The following MYO1B variants were observed in gnomAD, a reference collection of about 807,000 sequenced individuals.
MYO1B encodes the protein unconventional myosin-Ib.
Under a neutral mutation model 159.7 loss-of-function variants are expected in MYO1B, and 72 were observed. The ratio of observed to expected loss-of-function variants is 0.45; its 90% CI spans 0.37 to 0.55. MYO1B has a LOEUF of 0.55. Among genes scored for constraint, MYO1B ranks in the 20% least tolerant of loss-of-function variants. MYO1B has a pLI of 0.00. For missense variants in MYO1B, 1,062 were observed against 1,364.8 expected (o/e 0.78, Z 3.50); for synonymous variants, 468 against 473.8 (o/e 0.99, Z 0.16).
At position 191,408,141 on chromosome 2, in the gene MYO1B, CA is replaced by C; in HGVS notation, c.2584del (p.Arg862GlufsTer24). 6.2e-7 allele frequency: 1 copy of C among 1,613,206 alleles called. No homozygotes were observed. The highest frequency in any genetic ancestry group is 8.5e-7 in the Non-Finnish European group (1 of 1,179,356). On this transcript the variant is annotated frameshift_variant, in exon 25 of 31. Coordinates refer to ENST00000392318, the MANE Select transcript of MYO1B (RefSeq NM_001130158.3). LOFTEE classifies it high-confidence loss of function. ...TACGTAGAGAATACAGGAAATTCTT[CA>C]GAGCCAATGCTGGAAAGAAAATCTA... ...KVRREYRKFF[R>X]ANAGKKIYEF...
At chr2:191,272,640 G>T (rs1388331831) in intron 1 of MYO1B, among the ~76,000 whole-genome samples, 1 of 152,206 alleles carries the variant, frequency 6.6e-6, no homozygotes, top group Non-Finnish European at 1.5e-5. Context: ...TGGCCTTTCA[G>T]ACAGTCCAGT....
At chr2:191,284,489 T>C (rs1688249053) in intron 2 of MYO1B, among the ~76,000 whole-genome samples, 1 of 152,140 alleles carries the variant, frequency 6.6e-6, no homozygotes, top group African/African-American at 2.4e-5. Context: ...ATCGTGGTAC[T>C]TATCTTGTTG....
intron 4 of MYO1B, 24 bp downstream of exon 4, chr2:191,330,053 T>A (rs747872811): frequency 2.5e-6 from 4 of 1,596,842 alleles, no homozygotes; most frequent in Non-Finnish European, 3.4e-6. Flanking sequence ...CAAGCAACTC[T>A]GCAGAAGGTA....
chr2:191,307,930 C>T (rs1689751267), intron 3 of MYO1B, among the ~76,000 whole-genome samples: 1 of 152,166 alleles, frequency 6.6e-6, no homozygotes, highest in Non-Finnish European at 1.5e-5. Flanking sequence ...ATACCACCTT[C>T]CCAGCATGTC....
chr2:191,346,002 T>C (rs574795509), intron 5 of MYO1B, among the ~76,000 whole-genome samples: 43 of 152,174 alleles, frequency 2.8e-4, no homozygotes, highest in Non-Finnish European at 5.7e-4. Context: ...CTTGAAAAAA[T>C]TCCATGAGTC....
At chr2:191,262,255 G>A (rs989922372) in intron 1 of MYO1B, among the ~76,000 whole-genome samples, 1 of 152,042 alleles carries the variant, frequency 6.6e-6, no homozygotes, top group Non-Finnish European at 1.5e-5. Context: ...AATCCCACAG[G>A]AGCTCAACTT....
intron 13 of MYO1B, among the ~76,000 whole-genome samples, chr2:191,378,219 C>T (rs1444113607): frequency 6.6e-6 from 1 of 152,164 alleles, no homozygotes; most frequent in Non-Finnish European, 1.5e-5. Flanking sequence ...GGTGATCTGC[C>T]AACCACCACT....
intron 3 of MYO1B, among the ~76,000 whole-genome samples, chr2:191,303,597 CT>C (rs1343075752): frequency 1.3e-5 from 2 of 152,002 alleles, no homozygotes; most frequent in Non-Finnish European, 2.9e-5. Context: ...AAATTCCTGT[CT>C]TCATGAGAGA....
At chr2:191,322,567 C>A (rs1302525425) in intron 3 of MYO1B, among the ~76,000 whole-genome samples, 2 of 152,054 alleles carry the variant, frequency 1.3e-5, no homozygotes, top group Non-Finnish European at 2.9e-5. Context: ...AATGGTCAGG[C>A]CTCCAGGCTA....
At chr2:191,381,057 T>G in intron 13 of MYO1B, 1 of 290,860 alleles carries the variant, frequency 3.4e-6, no homozygotes, top group East Asian at 8.6e-5. Context: ...CAATAAGGGG[T>G]CAGTTCAGGG....
At chr2:191,404,730 A>G (rs968042089) in intron 24 of MYO1B, among the ~76,000 whole-genome samples, 12 of 152,256 alleles carry the variant, frequency 7.9e-5, no homozygotes, top group African/African-American at 2.7e-4. Context: ...GTAGTCTATT[A>G]AGTATCTAAT....
rs141773424 is a variant in MYO1B at position 191,360,023 on chromosome 2, C to G, written c.563-608C>G. Among the ~76,000 whole-genome samples the G allele has an allele frequency of 2.2e-4, 33 of 152,296 alleles. 1 individual carries two copies. The highest frequency in any genetic ancestry group is 7.2e-4 in the African/African-American group (30 of 41,558). ...TGAGAACCATCTTTCTCTAAGACTT[C>G]AAGATATCCACAAACTCTACGTTGC... is the stretch of plus-strand genomic sequence containing the variant. On this transcript the variant is annotated intron_variant, in intron 7 of 30. Coordinates refer to ENST00000392318, the MANE Select transcript of MYO1B (RefSeq NM_001130158.3).
chr2:191,326,545 A>T (rs1691079798), intron 3 of MYO1B, among the ~76,000 whole-genome samples: 1 of 152,184 alleles, frequency 6.6e-6, no homozygotes, highest in African/African-American at 2.4e-5. Flanking sequence ...CTTTGAACTC[A>T]GTGGCTCTCT....
intron 1 of MYO1B, among the ~76,000 whole-genome samples, chr2:191,271,651 A>G (rs986146697): frequency 3.3e-5 from 5 of 152,228 alleles, no homozygotes; most frequent in South Asian, 2.1e-4. Context: ...CAACGTATAC[A>G]TTGTTCTTAT....
Position 191,387,453 on chromosome 2 carries a change from AT to A in MYO1B, c.1781+8del. ...ACCAAGAACCCAAACTATATTAGGT[AT>A]TTTTGGCACATGAAACTTTCACAGT... is the stretch of plus-strand genomic sequence containing the variant. On this transcript the variant is annotated splice_donor_region_variant and intron_variant, in intron 17 of 30. Transcript: ENST00000392318. 1.2e-6 allele frequency: 2 copies of A among 1,613,208 alleles called. No individual in the cohort carries two copies. The highest frequency in any genetic ancestry group is 2.2e-5 in the South Asian group (2 of 91,074).
chr2:191,280,093 T>A (rs1687968299), intron 2 of MYO1B, among the ~76,000 whole-genome samples: 1 of 152,176 alleles, frequency 6.6e-6, no homozygotes, highest in Non-Finnish European at 1.5e-5. Flanking sequence ...CCCAGAGCTC[T>A]CGTGAGGGAT....
chr2:191,418,100 T>C (rs1697689145), intron 30 of MYO1B, among the ~76,000 whole-genome samples: 1 of 152,214 alleles, frequency 6.6e-6, no homozygotes, highest in Admixed American at 6.5e-5. Flanking sequence ...AATTATTGAT[T>C]GGTCTCATAA....
intron 3 of MYO1B, among the ~76,000 whole-genome samples, chr2:191,323,249 T>G (rs903316883): frequency 4.6e-5 from 7 of 152,150 alleles, no homozygotes; most frequent in African/African-American, 1.7e-4. Flanking sequence ...CATACTATTT[T>G]ATCAGCAGGG....
At chr2:191,254,283 G>T (rs1477024782) in intron 1 of MYO1B, among the ~76,000 whole-genome samples, 1 of 152,018 alleles carries the variant, frequency 6.6e-6, no homozygotes, top group African/African-American at 2.4e-5. Context: ...CATAATCTTG[G>T]CTCACTGCAA....
Sources: gnomAD v4.1 joint callset for allele counts (sites outside exome capture counted in the v4.1 genomes callset) on GRCh38, gnomAD v4.1.1 for gene constraint, MANE v1.5 for transcripts, NCBI Gene and HGNC (gene_info 2026-07-23, HGNC 2026-07-21) for gene names.